Variants in SAMD14 observed in about 807,000 individuals in gnomAD.
SAMD14 encodes the protein sterile alpha motif domain-containing protein 14.
A neutral mutation model predicts 46.2 loss-of-function variants in SAMD14; 27 were observed. The observed-to-expected ratio is 0.58, with a 90% CI of 0.43 to 0.81. The LOEUF (loss-of-function observed/expected upper bound fraction) is 0.81, where lower values mean the gene tolerates loss of function less well. Ranked by LOEUF, SAMD14 falls within the 30% of genes least tolerant of loss-of-function variation. The pLI, the probability that SAMD14 is intolerant of heterozygous loss-of-function variation, is 0.00. For synonymous variants in SAMD14, 241 were observed against 254.3 expected, an observed-to-expected ratio of 0.95 and a Z score of 0.50; for missense variants, 559 against 582.2, an observed-to-expected ratio of 0.96 and a Z score of 0.41.
intron 3 of SAMD14, 141 bp from the exon 4 acceptor site, chr17:50,117,836 G>A (rs1911308436): frequency 4.4e-6 from 4 of 918,500 alleles, no homozygotes; most frequent in Admixed American, 3.9e-5. Context: ...TTAGGCAGCG[G>A]GGTGGCTGGA....
At position 50,110,244 on chromosome 17, in the gene SAMD14, A is replaced by G; in HGVS notation, c.*2649T>C. 1.2e-6 allele frequency: 1 copy of G among 866,088 alleles called. No homozygotes were observed. Among genetic ancestry groups the G allele is most frequent in the Admixed American group, 2.9e-5 (1 of 34,110 alleles). The allele number at this position is 866,088 out of a possible 1,614,324, so 53.7% of individuals were successfully genotyped here. Reference sequence around the variant, plus strand: ...TCTCTATGGAAGTCACTGCGGTGATAGGTCTGTGATGGTCCCTAAGTGCCA... The same window carrying G: ...TCTCTATGGAAGTCACTGCGGTGATGGGTCTGTGATGGTCCCTAAGTGCCA... On this transcript the variant is annotated 3_prime_UTR_variant, in exon 10 of 10. Coordinates refer to ENST00000330175, the MANE Select transcript of SAMD14 (RefSeq NM_001257359.2).
At chr17:50,128,194 C>T (rs893823749) in intron 1 of SAMD14, among the ~76,000 whole-genome samples, 2 of 152,146 alleles carry the variant, frequency 1.3e-5, no homozygotes, top group Admixed American at 6.5e-5. Context: ...ATTCCAGGGT[C>T]GAGATCCTCT....
chr17:50,124,771 G>GCGCGCGCGCACA (rs71353620), intron 2 of SAMD14, 146 bp downstream of exon 2: 7 of 567,462 alleles, frequency 1.2e-5, no homozygotes, highest in South Asian at 1.9e-5. Context: ...ACGCGCGCGC[G>GCGCGCGCGCACA]CACACACACA....
chr17:50,112,918 C>T lies in SAMD14; in HGVS notation c.1229G>A (p.Arg410Gln), dbSNP rs764377355. 22 of 1,606,764 alleles carry T rather than the reference C, an allele frequency of 1.4e-5. No individual in the cohort carries two copies. Among genetic ancestry groups the T allele is most frequent in the Admixed American group, 8.3e-5 (5 of 59,978 alleles). Residue 410 changes from arginine to glutamine, a missense_variant, in exon 10 of 10, where the codon CGA becomes CAA. Arg to Gln is a conservative substitution (Grantham distance 43, BLOSUM62 1). Transcript: ENST00000330175. ...AARQREKLRR[R>Q]EQEAKKS ...CTAGCTCTTCTTGGCCTCCTGCTCT[C>T]GGCGCCGGAGCTTCTCCCGCTGCCG...
At chr17:50,124,763 GCGCGCGCGCA>G (rs1423669476) in intron 2 of SAMD14, among the ~76,000 whole-genome samples, 144 bp downstream of exon 2, 4 of 106,692 alleles carry the variant, frequency 3.7e-5, no homozygotes, top group African/African-American at 1.3e-4. Context: ...ACGCGTGCAC[GCGCGCGCGCA>G]CACACACACA....
In SAMD14 at chr17:50,110,090, T is replaced by C; in HGVS notation, c.*2803A>G. 6.2e-7 allele frequency: 1 copy of C among 1,605,228 alleles called. No homozygotes were observed. The highest frequency in any genetic ancestry group is 8.5e-7 in the Non-Finnish European group (1 of 1,174,916). The stretch of plus-strand genomic sequence containing the variant: ...CCCAAGAACACGTCCACGTACCGCG[T>C]CAGCTAAGGGCCGCCGTGCATCTGC... On this transcript the variant is annotated 3_prime_UTR_variant, in exon 10 of 10. Transcript: ENST00000330175.
chr17:50,125,110 C>T (rs145306327), intron 1 of SAMD14, 139 bp from the exon 2 acceptor site: 12 of 719,984 alleles, frequency 1.7e-5, no homozygotes, highest in African/African-American at 1.4e-4. Flanking sequence ...CTTCTTCTGT[C>T]CCCTGGAAGA....
At position 50,118,296 on chromosome 17, in the gene SAMD14, T is replaced by A. The variant is rs1911343122; in HGVS notation, c.75A>T (p.Arg25Ser). 1.2e-6 allele frequency: 2 copies of A among 1,613,554 alleles called. No homozygotes were observed. Among genetic ancestry groups the A allele is most frequent in the Non-Finnish European group, 1.7e-6 (2 of 1,180,012 alleles). Residue 25 changes from arginine (R) to serine (S), a missense_variant, in exon 3 of 10, where the codon AGA (arginine) becomes AGT (serine). By Grantham distance (110) the Arg-to-Ser change is moderately radical (BLOSUM62 -1). Transcript: ENST00000330175. The part of the protein sequence containing the change: ...DLDLAVPETA[R>S]LDSSLHKARA... ...GGGCCTTGTGTAAACTGCTGTCCAG[T>A]CTGGCCGTCTCTGGCACAGCCAAGT...
At chr17:50,113,264 T>TA in intron 9 of SAMD14, 1 of 552,714 alleles carries the variant, frequency 1.8e-6, no homozygotes, top group South Asian at 2.4e-5. Flanking sequence ...GGGTTGGGGG[T>TA]ATTAGGCGCT....
At chr17:50,116,206 G>A in intron 4 of SAMD14, 116 bp from the exon 5 acceptor site, 1 of 1,451,912 alleles carries the variant, frequency 6.9e-7, no homozygotes, top group East Asian at 2.4e-5. Context: ...CCTGGCTCTG[G>A]TGGCCTTCAC....
intron 9 of SAMD14, chr17:50,113,662 G>A: frequency 1.9e-6 from 1 of 514,232 alleles, no homozygotes. Context: ...GGTCAGCCTG[G>A]AGACCAGGGC....
intron 2 of SAMD14, among the ~76,000 whole-genome samples, chr17:50,119,565 G>A (rs1200047149): frequency 1.3e-5 from 2 of 152,138 alleles, no homozygotes; most frequent in Admixed American, 1.3e-4. Flanking sequence ...TCTGAGTGTG[G>A]GCACTCAGGC....
chr17:50,128,000 A>G (rs544441912), intron 1 of SAMD14, among the ~76,000 whole-genome samples: 3 of 152,168 alleles, frequency 2.0e-5, no homozygotes, highest in Admixed American at 6.5e-5. Context: ...AATAGGTCTC[A>G]TCTCCCCCCC....
chr17:50,122,557 G>A (rs1911551874), intron 2 of SAMD14, among the ~76,000 whole-genome samples: 2 of 152,140 alleles, frequency 1.3e-5, no homozygotes, highest in Admixed American at 6.6e-5. Context: ...GCCCCTGCAC[G>A]AAAATTTGAG....
chr17:50,116,181 C>G, intron 4 of SAMD14, 91 bp from the exon 5 acceptor site: 1 of 1,503,524 alleles, frequency 6.7e-7, no homozygotes, highest in African/African-American at 1.4e-5. Context: ...ATTCTCTTGA[C>G]TTAGAATCAG....
Position 50,112,249 on chromosome 17 carries a change from A to G in SAMD14, c.*644T>C, listed in dbSNP as rs565536279. On this transcript the variant is annotated 3_prime_UTR_variant, in exon 10 of 10. Transcript: ENST00000330175. ...AGGGGAGAGGGAGAAGGGGATGTTC[A>G]TCCTCCCCTCTTGAGTCCTGGCAAA... The G allele has an allele frequency of 6.6e-6, 1 of 152,000 alleles. No homozygotes were observed. Among genetic ancestry groups the G allele is most frequent in the South Asian group, 2.1e-4 (1 of 4,814 alleles). The allele number at this position is 152,000 out of a possible 1,614,324, so 9.4% of individuals were successfully genotyped here.
At chr17:50,124,599 A>T (rs1375787323) in intron 2 of SAMD14, among the ~76,000 whole-genome samples, 7 of 152,068 alleles carry the variant, frequency 4.6e-5, no homozygotes, top group Admixed American at 4.6e-4. Flanking sequence ...GGCTTACATT[A>T]TTGTAAGGGT....
At position 50,118,189 on chromosome 17, in the gene SAMD14, C is replaced by T; in HGVS notation, c.182G>A (p.Gly61Asp). ...LRDSASSAEDGEGSDGPGGKV... is the reference protein window; with the variant it reads ...LRDSASSAEDDEGSDGPGGKV... ...GCCTCCGGGCCCATCCGAGCCTTCA[C>T]CATCCTCCGCGGAGCTGGCACTGTC... Residue 61 changes from glycine to aspartate, a missense_variant, in exon 3 of 10, where the codon GGT (glycine) becomes GAT (aspartate). By Grantham distance (94) the Gly-to-Asp change is moderately conservative. Coordinates refer to ENST00000330175, the MANE Select transcript of SAMD14 (RefSeq NM_001257359.2). The T allele has an allele frequency of 1.2e-6, 2 of 1,606,476 alleles. No individual in the cohort carries two copies. Among genetic ancestry groups the T allele is most frequent in the Non-Finnish European group, 1.7e-6 (2 of 1,174,642 alleles).
At chr17:50,123,197 T>C (rs961162896) in intron 2 of SAMD14, among the ~76,000 whole-genome samples, 27 of 152,208 alleles carry the variant, frequency 1.8e-4, no homozygotes, top group Admixed American at 7.9e-4. Flanking sequence ...CCCGAGGGCA[T>C]AAAGCTGGTG....
Sources: allele counts gnomAD v4.1 joint callset (sites outside exome capture counted in the v4.1 genomes callset), GRCh38; gene constraint gnomAD v4.1.1; transcripts MANE v1.5; gene names NCBI Gene and HGNC (gene_info 2026-07-23, HGNC 2026-07-21).